Variants in GRIP1 observed in about 807,000 individuals in gnomAD.
GRIP1 encodes glutamate receptor interacting protein 1.
GRIP1 carries 45 observed loss-of-function variants against 129.9 expected under a neutral mutation model. The ratio of observed to expected loss-of-function variants is 0.35; its 90% CI spans 0.27 to 0.44. GRIP1 has a LOEUF of 0.44. Among genes scored for constraint, GRIP1 ranks in the 20% least tolerant of loss-of-function variants. The pLI, the probability that GRIP1 is intolerant of heterozygous loss-of-function variation, is 1.00. For synonymous variants in GRIP1, 530 were observed against 520.8 expected (o/e 1.02, Z -0.24); for missense variants, 1,196 against 1,396.8 (o/e 0.86, Z 2.29).
At chr12:66,687,018 G>T (rs1270822001) in intron 1 of GRIP1, among the ~76,000 whole-genome samples, 1 of 152,124 alleles carries the variant, frequency 6.6e-6, no homozygotes, top group Non-Finnish European at 1.5e-5. Context: ...CCATGATTGT[G>T]CCACTGCACT....
At chr12:66,861,647 C>T (rs2040114318) in intron 1 of GRIP1, among the ~76,000 whole-genome samples, 1 of 152,062 alleles carries the variant, frequency 6.6e-6, no homozygotes, top group South Asian at 2.1e-4. Flanking sequence ...TTCTTATTAC[C>T]ACTGAAGTTT....
chr12:66,370,479 G>C (rs2055423759), intron 23 of GRIP1, among the ~76,000 whole-genome samples: 1 of 152,118 alleles, frequency 6.6e-6, no homozygotes, highest in South Asian at 2.1e-4. Context: ...CAAATAGCTA[G>C]GTTTAATAAG....
intron 1 of GRIP1, among the ~76,000 whole-genome samples, chr12:67,006,188 A>G (rs1010102993): frequency 1.3e-5 from 2 of 152,218 alleles, no homozygotes; most frequent in African/African-American, 4.8e-5. Flanking sequence ...AGAAAAAAAT[A>G]CAAGCATCAA....
intron 1 of GRIP1, among the ~76,000 whole-genome samples, chr12:67,064,414 G>A (rs973608755): frequency 6.6e-6 from 1 of 152,098 alleles, no homozygotes; most frequent in African/African-American, 2.4e-5. Context: ...TATAAGTTCT[G>A]GCAAATTCAT....
chr12:67,027,518 A>G (rs2042957779), intron 1 of GRIP1, among the ~76,000 whole-genome samples: 1 of 152,206 alleles, frequency 6.6e-6, no homozygotes, highest in Non-Finnish European at 1.5e-5. Flanking sequence ...GCAAAACCAG[A>G]TACCATCCTG....
chr12:66,807,950 C>T (rs1347467783), upstream of GRIP1, among the ~76,000 whole-genome samples: 1 of 95,906 alleles, frequency 1.0e-5, no homozygotes, highest in African/African-American at 4.1e-5. Flanking sequence ...CAATAAAGGG[C>T]CAACCTAAAG....
At chr12:66,594,326 G>A (rs2063961689) in intron 2 of GRIP1, among the ~76,000 whole-genome samples, 1 of 152,120 alleles carries the variant, frequency 6.6e-6, no homozygotes, top group African/African-American at 2.4e-5. Context: ...AGTGAGCACA[G>A]GAGAAGGAGA....
At chr12:66,726,431 C>T (rs752967337) in intron 1 of GRIP1, among the ~76,000 whole-genome samples, 1 of 152,166 alleles carries the variant, frequency 6.6e-6, no homozygotes, top group Non-Finnish European at 1.5e-5. Context: ...ATGGAAATGA[C>T]TGCCCTAGAC....
chr12:66,472,146 T>G (rs1268803276), intron 7 of GRIP1, among the ~76,000 whole-genome samples: 1 of 152,236 alleles, frequency 6.6e-6, no homozygotes, highest in East Asian at 1.9e-4. Flanking sequence ...ATATTCTTGC[T>G]AGGATAGAAG....
intron 1 of GRIP1, among the ~76,000 whole-genome samples, chr12:66,731,191 C>T (rs540833956): frequency 5.9e-5 from 9 of 152,002 alleles, no homozygotes; most frequent in African/African-American, 1.9e-4. Context: ...ATAGGTTTCA[C>T]GGATTCAAAC....
intron 7 of GRIP1, among the ~76,000 whole-genome samples, chr12:66,504,979 T>C (rs1168225733): frequency 6.6e-6 from 1 of 152,216 alleles, no homozygotes; most frequent in South Asian, 2.1e-4. Context: ...TCTCTTTGTC[T>C]TGATTTTGGT....
intron 1 of GRIP1, among the ~76,000 whole-genome samples, chr12:66,967,554 T>G (rs1325396916): frequency 1.3e-5 from 2 of 152,166 alleles, no homozygotes; most frequent in African/African-American, 4.8e-5. Context: ...TTCAAAAAAT[T>G]TTTCAAGTGC....
intron 1 of GRIP1, among the ~76,000 whole-genome samples, chr12:67,004,787 T>A (rs1488411643): frequency 6.6e-6 from 1 of 152,086 alleles, no homozygotes; most frequent in African/African-American, 2.4e-5. Flanking sequence ...ATTATAGAGT[T>A]GGGAACGGAA....
At chr12:66,532,718 G>C (rs887514954) in intron 4 of GRIP1, among the ~76,000 whole-genome samples, 2 of 152,096 alleles carry the variant, frequency 1.3e-5, no homozygotes, top group African/African-American at 4.8e-5. Context: ...CTGAATCCCA[G>C]AGTAAATCAC....
chr12:66,630,585 T>C (rs1456143811), intron 1 of GRIP1, among the ~76,000 whole-genome samples: 2 of 152,200 alleles, frequency 1.3e-5, no homozygotes, highest in Admixed American at 1.3e-4. Context: ...ATGGAGTCTA[T>C]CTTCCTGGGT....
intron 11 of GRIP1, among the ~76,000 whole-genome samples, chr12:66,446,497 G>A (rs931769379): frequency 6.6e-6 from 1 of 152,100 alleles, no homozygotes; most frequent in African/African-American, 2.4e-5. Flanking sequence ...CAGGTGGCAG[G>A]AAGACAGGTT....
intron 1 of GRIP1, among the ~76,000 whole-genome samples, chr12:66,989,407 T>A (rs1328936892): frequency 6.6e-6 from 1 of 152,158 alleles, no homozygotes; most frequent in Non-Finnish European, 1.5e-5. Flanking sequence ...ACAGTGAAGA[T>A]CACTGTGTCC....
intron 1 of GRIP1, among the ~76,000 whole-genome samples, chr12:67,059,331 G>C (rs560384623): frequency 1.1e-4 from 16 of 152,302 alleles, no homozygotes; most frequent in Admixed American, 9.2e-4. Flanking sequence ...AAGTCCAAAT[G>C]AGCTGCCAAG....
chr12:66,874,859 A>G (rs1401332828), intron 1 of GRIP1, among the ~76,000 whole-genome samples: 3 of 152,008 alleles, frequency 2.0e-5, no homozygotes, highest in Admixed American at 2.0e-4. Flanking sequence ...TGCATGATTT[A>G]CCAAACGTTC....
Sources: gnomAD v4.1 joint callset for allele counts (sites outside exome capture counted in the v4.1 genomes callset) on GRCh38, gnomAD v4.1.1 for gene constraint, MANE v1.5 for transcripts, NCBI Gene and HGNC (gene_info 2026-07-23, HGNC 2026-07-21) for gene names.